The following SIAH1 variants were observed in gnomAD, a reference collection of about 807,000 sequenced individuals.
The protein encoded by SIAH1 is E3 ubiquitin-protein ligase SIAH1.
SIAH1 carries 2 observed loss-of-function variants against 20.0 expected under a neutral mutation model. The observed-to-expected ratio is 0.10, with a 90% confidence interval of 0.04 to 0.31. The LOEUF (loss-of-function observed/expected upper bound fraction) is 0.31. Among genes scored for constraint, SIAH1 ranks in the 10% least tolerant of loss-of-function variants. The pLI is 1.00. For missense variants in SIAH1, 119 were observed against 355.3 expected (o/e 0.33, Z 5.35); for synonymous variants, 118 against 125.3 (o/e 0.94, Z 0.39).
Position 48,368,047 on chromosome 16 carries a change from A to G in SIAH1, c.-2-5617T>C, listed in dbSNP as rs1597024285. Among the ~76,000 whole-genome samples, 4 of 152,388 alleles carry G rather than the reference A, an allele frequency of 2.6e-5. No individual in the cohort carries two copies. The South Asian group carries it at 8.3e-4, about 32-fold the overall frequency. ...ACCACCTTAGCATACTTAACAGTAG[A>G]AAGATAAACTTTTATTCTCAATTCC... is the stretch of plus-strand genomic sequence containing the variant. On this transcript the variant is annotated intron_variant, in intron 1 of 1. Coordinates refer to ENST00000394725, the MANE Select transcript of SIAH1 (RefSeq NM_003031.4).
At chr16:48,385,161 G>A in intron 1 of SIAH1, 43 bp downstream of exon 1, 1 of 232,112 alleles carries the variant, frequency 4.3e-6, no homozygotes, top group East Asian at 1.8e-4. Context: ...CTGTCGGAGA[G>A]CCCCTCGCCG....
Position 48,361,492 on chromosome 16 carries a change from A to G in SIAH1, c.*88T>C. 7.3e-7 allele frequency: 1 copy of G among 1,362,950 alleles called. No homozygotes were observed. Among genetic ancestry groups the G allele is most frequent in the Non-Finnish European group, 1.0e-6 (1 of 968,170 alleles). The allele number at this position is 1,362,950 out of a possible 1,614,324, so 84.4% of individuals were successfully genotyped here. ...ATGTGTCTAGCTTCCACCTACCGAA[A>G]GAGTTTTAGGTTGGCAGACAGATGG... On this transcript the variant is annotated 3_prime_UTR_variant, in exon 2 of 2. Coordinates refer to ENST00000394725, the MANE Select transcript of SIAH1 (RefSeq NM_003031.4).
intron 1 of SIAH1, among the ~76,000 whole-genome samples, chr16:48,380,939 A>AAAAAAAAAAAAAAAAAAAAAAAAAC (rs1187552355): frequency 1.3e-5 from 2 of 149,694 alleles, no homozygotes; most frequent in South Asian, 2.1e-4. Context: ...AAAAAAAAAA[A>AAAAAAAAAAAAAAAAAAAAAAAAAC]AAAAAAGAAC....
chr16:48,382,942 T>C (rs969419519), intron 1 of SIAH1, among the ~76,000 whole-genome samples: 22 of 152,250 alleles, frequency 1.4e-4, no homozygotes, highest in Admixed American at 7.9e-4. Flanking sequence ...ATGTCATTAC[T>C]GACATAGCTA....
At position 48,385,304 on chromosome 16, in the gene SIAH1, C is replaced by A; in HGVS notation, c.-103G>T. The A allele has an allele frequency of 7.5e-6, 2 of 265,608 alleles. No individual in the cohort carries two copies. The highest frequency in any genetic ancestry group is 2.9e-5 in the South Asian group (1 of 34,184). The allele number at this position is 265,608 out of a possible 1,614,324, so 16.5% of individuals were successfully genotyped here. ...CAGCGCCACCGCCTCTTCCCGGCGC[C>A]GAGACCGACGGGACACCCTGGGCCG... On this transcript the variant is annotated 5_prime_UTR_variant, in exon 1 of 2. Transcript: ENST00000394725.
chr16:48,374,513 C>A (rs1048082656), intron 1 of SIAH1, among the ~76,000 whole-genome samples: 4 of 152,118 alleles, frequency 2.6e-5, no homozygotes, highest in Admixed American at 2.0e-4. Context: ...ATAAGCTCTT[C>A]AAATACAAGG....
chr16:48,365,504 C>T lies in SIAH1; in HGVS notation c.-2-3074G>A, dbSNP rs769516648. The T allele has an allele frequency of 8.1e-6, 13 of 1,607,078 alleles. No individual in the cohort carries two copies. In the Admixed American group the frequency reaches 1.0e-4, roughly 12 times the overall value. On this transcript the variant is annotated intron_variant, in intron 1 of 1. Transcript: ENST00000394725. Reference sequence around the variant, plus strand: ...AGAAGTCAGGCCACGCATTGCGTTTCCCCCAAGAAGTAAAGGAACAGGCCC... The same window carrying T: ...AGAAGTCAGGCCACGCATTGCGTTTTCCCCAAGAAGTAAAGGAACAGGCCC...
At position 48,361,709 on chromosome 16, in the gene SIAH1, A is replaced by G. The variant is rs1567366284; in HGVS notation, c.720T>C (p.Pro240=). 6.2e-7 allele frequency: 1 copy of G among 1,614,212 alleles called. No individual in the cohort carries two copies. Among genetic ancestry groups the G allele is most frequent in the Admixed American group, 1.7e-5 (1 of 60,028 alleles). ...HRRRLTWEAT[P]RSIHEGIATA... is the part of the protein sequence containing the mutation. ...TTGCAATTCCTTCATGAATAGATCG[A>G]GGAGTCGCTTCCCAAGTCAATCGTC... is the stretch of plus-strand genomic sequence containing the variant. The change falls in exon 2 of 2, where the codon CCT becomes CCC. Residue 240 remains proline (P), a synonymous_variant. Coordinates refer to ENST00000394725, the MANE Select transcript of SIAH1 (RefSeq NM_003031.4).
intron 1 of SIAH1, among the ~76,000 whole-genome samples, chr16:48,384,429 T>C (rs1481092144): frequency 6.6e-6 from 1 of 152,116 alleles, no homozygotes; most frequent in South Asian, 2.1e-4. Flanking sequence ...CTTTAAGTTA[T>C]AAATTTGGGA....
intron 1 of SIAH1, among the ~76,000 whole-genome samples, chr16:48,374,277 A>G (rs1288715008): frequency 2.0e-5 from 3 of 152,254 alleles, no homozygotes; most frequent in Non-Finnish European, 4.4e-5. Context: ...ACAGACTCCA[A>G]TAAATATTTT....
At chr16:48,383,877 G>GT (rs1045942146) in intron 1 of SIAH1, among the ~76,000 whole-genome samples, 2 of 152,154 alleles carry the variant, frequency 1.3e-5, no homozygotes, top group African/African-American at 4.8e-5. Flanking sequence ...AGAAAACCTC[G>GT]TAAGTTTAGC....
intron 1 of SIAH1, among the ~76,000 whole-genome samples, chr16:48,382,241 G>C (rs1472117104): frequency 6.6e-6 from 1 of 151,992 alleles, no homozygotes; most frequent in Admixed American, 6.6e-5. Context: ...TAAAAAATTA[G>C]CCCAGTGTGA....
chr16:48,377,099 A>G (rs1961129017), intron 1 of SIAH1, among the ~76,000 whole-genome samples: 1 of 152,220 alleles, frequency 6.6e-6, no homozygotes, highest in Non-Finnish European at 1.5e-5. Flanking sequence ...TATTTTCTAC[A>G]AAATTCAAGA....
At chr16:48,371,038 C>CG (rs1960973086) in intron 1 of SIAH1, among the ~76,000 whole-genome samples, 1 of 150,576 alleles carries the variant, frequency 6.6e-6, no homozygotes, top group Non-Finnish European at 1.5e-5. Context: ...CGCTTGAACC[C>CG]GGGAGGGGGA....
intron 1 of SIAH1, among the ~76,000 whole-genome samples, chr16:48,382,700 AT>A (rs1379385439): frequency 1.3e-5 from 2 of 152,226 alleles, no homozygotes; most frequent in African/African-American, 4.8e-5. Flanking sequence ...TGTACAAAAA[AT>A]ATCTAGATTT....
intron 1 of SIAH1, among the ~76,000 whole-genome samples, chr16:48,371,114 CAAA>C (rs11342599): frequency 2.4e-4 from 27 of 111,346 alleles, no homozygotes; most frequent in African/African-American, 2.7e-4. Flanking sequence ...AATTCCATCT[CAAA>C]AAAAAAAAAA....
rs757972093 is a variant in SIAH1 at position 48,361,513 on chromosome 16, GAT to G, written c.*65_*66del. The G allele has an allele frequency of 6.5e-7, 1 of 1,538,086 alleles. No individual in the cohort carries two copies. The highest frequency in any genetic ancestry group is 8.9e-7 in the Non-Finnish European group (1 of 1,122,558). Reference sequence around the variant, plus strand: ...CGAAAGAGTTTTAGGTTGGCAGACAGATGGGTGCCTTATTTTCTGTGAAACTG... The same window carrying G: ...CGAAAGAGTTTTAGGTTGGCAGACAGGGGTGCCTTATTTTCTGTGAAACTG... On this transcript the variant is annotated 3_prime_UTR_variant, in exon 2 of 2. Transcript: ENST00000394725.
At chr16:48,382,037 A>T (rs913643220) in intron 1 of SIAH1, among the ~76,000 whole-genome samples, 2 of 152,128 alleles carry the variant, frequency 1.3e-5, no homozygotes, top group Non-Finnish European at 1.5e-5. Flanking sequence ...AAAGTCAATT[A>T]AAAAAATCTG....
chr16:48,384,175 T>G (rs551783976), intron 1 of SIAH1, among the ~76,000 whole-genome samples: 1 of 152,198 alleles, frequency 6.6e-6, no homozygotes, highest in Non-Finnish European at 1.5e-5. Flanking sequence ...ACAGCCGCTA[T>G]AAGCAAAGGT....
Sources: gnomAD v4.1 joint callset for allele counts (sites outside exome capture counted in the v4.1 genomes callset) on GRCh38, gnomAD v4.1.1 for gene constraint, MANE v1.5 for transcripts, NCBI Gene and HGNC (gene_info 2026-07-23, HGNC 2026-07-21) for gene names.